CACNA2D3: variants seen among roughly 807,000 people sequenced by gnomAD.
CACNA2D3 encodes calcium voltage-gated channel auxiliary subunit alpha2delta 3.
Under a neutral mutation model 160.6 loss-of-function variants are expected in CACNA2D3, and 60 were observed. The observed-to-expected ratio is 0.37, with a 90% CI of 0.30 to 0.46. The LOEUF is 0.46. CACNA2D3 is among the 20% of genes least tolerant of loss of function. The probability of loss-of-function intolerance (pLI) is 1.00; values close to 1 mark genes in which losing one functional copy is unlikely to be tolerated. For missense variants in CACNA2D3, 1,205 were observed against 1,365.0 expected, an observed-to-expected ratio of 0.88 and a Z score of 1.85; for synonymous variants, 558 against 492.9, an observed-to-expected ratio of 1.13 and a Z score of -1.75.
chr3:54,929,350 G>A (rs1006615510), intron 27 of CACNA2D3, among the ~76,000 whole-genome samples: 1 of 152,182 alleles, frequency 6.6e-6, no homozygotes, highest in African/African-American at 2.4e-5. Flanking sequence ...CAACTTCTGA[G>A]GACAACCTGG....
intron 8 of CACNA2D3, among the ~76,000 whole-genome samples, chr3:54,573,954 G>A (rs1702541006): frequency 6.6e-6 from 1 of 152,094 alleles, no homozygotes; most frequent in Admixed American, 6.6e-5. Flanking sequence ...TGTTTAAAAT[G>A]GTCACTTGTC....
At chr3:54,357,058 A>G (rs922547187) in intron 3 of CACNA2D3, among the ~76,000 whole-genome samples, 7 of 152,110 alleles carry the variant, frequency 4.6e-5, no homozygotes, top group Admixed American at 3.9e-4. Context: ...GTGACCACAC[A>G]TGGCTCCTCC....
intron 11 of CACNA2D3, among the ~76,000 whole-genome samples, chr3:54,736,046 C>CATACATATATATATGTATGTATATATAT (rs1187456049): frequency 2.8e-5 from 2 of 71,448 alleles, no homozygotes; most frequent in East Asian, 6.7e-4. Context: ...TATATATATA[C>CATACATATATATATGTATGTATATATAT]ACATACATAT....
rs558182805 is a variant in CACNA2D3 at position 54,465,659 on chromosome 3, C to T, written c.382-37833C>T. On this transcript the variant is annotated intron_variant, in intron 4 of 37. Coordinates refer to ENST00000474759, the MANE Select transcript of CACNA2D3 (RefSeq NM_018398.3). ...TGGAACCCTCTAGCACACAGCCATG[C>T]GTACAGGTTGGTGCAAAAGTAATTG... Among the ~76,000 whole-genome samples, 6 of 152,226 alleles carry T rather than the reference C, an allele frequency of 3.9e-5. No homozygotes were observed. The South Asian group carries it at 1.2e-3, about 32-fold the overall frequency.
chr3:54,680,675 C>T (rs909273556), intron 11 of CACNA2D3, among the ~76,000 whole-genome samples: 4 of 152,160 alleles, frequency 2.6e-5, no homozygotes, highest in East Asian at 1.9e-4. Context: ...AAGAATTGAT[C>T]GAGGAGAGGC....
At chr3:55,017,047 G>A (rs554800991) in intron 34 of CACNA2D3, among the ~76,000 whole-genome samples, 3 of 152,190 alleles carry the variant, frequency 2.0e-5, no homozygotes, top group Non-Finnish European at 4.4e-5. Flanking sequence ...TATTTGGAAT[G>A]TAACATGAGA....
intron 9 of CACNA2D3, among the ~76,000 whole-genome samples, chr3:54,620,483 C>T (rs1200104335): frequency 6.6e-6 from 1 of 152,162 alleles, no homozygotes; most frequent in Non-Finnish European, 1.5e-5. Flanking sequence ...CCTCTGCTCA[C>T]AGGCATGCTC....
chr3:54,685,102 C>T (rs536865865), intron 11 of CACNA2D3, among the ~76,000 whole-genome samples: 2 of 152,248 alleles, frequency 1.3e-5, no homozygotes, highest in South Asian at 2.1e-4. Context: ...GAACAAAAGC[C>T]TGTGGGGCAT....
chr3:54,918,905 A>G lies in CACNA2D3; in HGVS notation c.2449+19037A>G, dbSNP rs1343665950. 6 of 1,515,400 alleles carry G rather than the reference A, an allele frequency of 4.0e-6. No individual in the cohort carries two copies. In the Admixed American group the frequency reaches 8.9e-5, roughly 23 times the overall value. 93.9% of individuals were successfully genotyped at this position (1,515,400 alleles called of 1,614,324 possible). A position where few individuals can be genotyped will look rare whatever the true frequency, so the allele number is the denominator to read the frequency against. On this transcript the variant is annotated intron_variant, in intron 27 of 37. Coordinates refer to ENST00000474759, the MANE Select transcript of CACNA2D3 (RefSeq NM_018398.3). The stretch of plus-strand genomic sequence containing the variant: ...TCTGTTAGTCCCCCTTTAAAAAACA[A>G]AAGCAAAGAACAATAACAAAGCCTT...
chr3:54,215,867 C>G (rs1701451308), intron 2 of CACNA2D3, among the ~76,000 whole-genome samples: 1 of 146,912 alleles, frequency 6.8e-6, no homozygotes, highest in Non-Finnish European at 1.5e-5. Context: ...TCTGAGCTTA[C>G]TGTTTTCTTT....
In CACNA2D3 at chr3:54,204,797, A is replaced by G. The variant is rs9846418; in HGVS notation, c.204+81203A>G. ...GGTGACAGAGCAAGATGCTGTCTTG[A>G]AAAAAAAAAAAAAAAAAAAAAAAGA... On this transcript the variant is annotated intron_variant, in intron 2 of 37. Transcript: ENST00000474759. Among the ~76,000 whole-genome samples the G allele has an allele frequency of 9.3e-3, 402 of 43,034 alleles. 7 individuals carry two copies. The highest frequency in any genetic ancestry group is 0.025 in the African/African-American group (88 of 3,466). The allele number at this position is 43,034 out of a possible 152,430, so 28.2% of individuals were successfully genotyped here.
At chr3:54,759,587 TTTATC>T (rs902816016) in intron 12 of CACNA2D3, among the ~76,000 whole-genome samples, 41 of 152,322 alleles carry the variant, frequency 2.7e-4, no homozygotes, top group African/African-American at 9.6e-4. Context: ...TTTTTAAAAT[TTTATC>T]TTTTCTTACC....
rs1380531382 is a variant in CACNA2D3, at chr3:54,433,335, A to G, written c.381+46561A>G. ...GGGATAAGCCAGTATCTGCAGCTAAATAGACATTTGATAAATAAATATTGA... is the reference window on the plus strand; with the variant it reads ...GGGATAAGCCAGTATCTGCAGCTAAGTAGACATTTGATAAATAAATATTGA... On this transcript the variant is annotated intron_variant, in intron 4 of 37. Coordinates refer to ENST00000474759, the MANE Select transcript of CACNA2D3 (RefSeq NM_018398.3). Among the ~76,000 whole-genome samples the G allele has an allele frequency of 2.6e-5, 4 of 152,342 alleles. No individual in the cohort carries two copies. The East Asian group carries it at 7.7e-4, about 29-fold the overall frequency.
At chr3:54,773,614 A>T (rs1052572499) in intron 13 of CACNA2D3, among the ~76,000 whole-genome samples, 1 of 152,236 alleles carries the variant, frequency 6.6e-6, no homozygotes, top group Non-Finnish European at 1.5e-5. Context: ...CGCAGTCATT[A>T]TAACTCTGGC....
intron 13 of CACNA2D3, among the ~76,000 whole-genome samples, chr3:54,810,931 T>C (rs1161559808): frequency 6.6e-6 from 1 of 152,174 alleles, no homozygotes; most frequent in Non-Finnish European, 1.5e-5. Context: ...TCAGATCTCT[T>C]CCTCACATCT....
chr3:54,379,808 CT>C (rs755215036), intron 3 of CACNA2D3, among the ~76,000 whole-genome samples: 11 of 152,224 alleles, frequency 7.2e-5, no homozygotes, highest in Non-Finnish European at 1.2e-4. Context: ...TTCTGGGAAG[CT>C]TCCTTGGCTT....
At chr3:54,471,304 G>T (rs1465862576) in intron 4 of CACNA2D3, among the ~76,000 whole-genome samples, 1 of 152,158 alleles carries the variant, frequency 6.6e-6, no homozygotes, top group Admixed American at 6.5e-5. Context: ...AATGACTACT[G>T]GGTAAATAAC....
At chr3:54,552,313 G>C (rs1702171806) in intron 5 of CACNA2D3, among the ~76,000 whole-genome samples, 1 of 152,112 alleles carries the variant, frequency 6.6e-6, no homozygotes, top group Non-Finnish European at 1.5e-5. Context: ...CAGGGCCCCA[G>C]GAAAGCCTGA....
chr3:54,337,781 G>T (rs1217407689), intron 3 of CACNA2D3, among the ~76,000 whole-genome samples: 1 of 152,076 alleles, frequency 6.6e-6, no homozygotes, highest in African/African-American at 2.4e-5. Flanking sequence ...CTTCCAATAG[G>T]TGGCTATATA....
Sources: allele counts gnomAD v4.1 joint callset (sites outside exome capture counted in the v4.1 genomes callset), GRCh38; gene constraint gnomAD v4.1.1; transcripts MANE v1.5; gene names NCBI Gene and HGNC (gene_info 2026-07-23, HGNC 2026-07-21).